Variants in CPNE1 observed in about 807,000 individuals in gnomAD.
CPNE1 encodes the protein copine-1.
Under a neutral mutation model 63.2 loss-of-function variants are expected in CPNE1, and 58 were observed. The ratio of observed to expected loss-of-function variants is 0.92; its 90% confidence interval spans 0.74 to 1.14. The LOEUF (loss-of-function observed/expected upper bound fraction) is 1.14, where lower values mean the gene tolerates loss of function less well. Among genes scored for constraint, CPNE1 ranks in the 50% most tolerant of loss-of-function variants. The pLI is 0.00. For synonymous variants in CPNE1, 237 were observed against 249.0 expected (o/e 0.95, Z 0.45); for missense variants, 672 against 661.7 (o/e 1.02, Z -0.17).
intron 9 of CPNE1, 30 bp downstream of exon 9, chr20:35,631,238 G>A (rs750176921): frequency 1.4e-5 from 22 of 1,613,870 alleles, no homozygotes; most frequent in Non-Finnish European, 1.9e-5. Context: ...TCAGGAATCA[G>A]AGCCTTGGTT....
chr20:35,657,412 A>C (rs896534209), intron 1 of CPNE1, among the ~76,000 whole-genome samples: 1 of 152,242 alleles, frequency 6.6e-6, no homozygotes, highest in Admixed American at 6.5e-5. Flanking sequence ...AAAAACGGTT[A>C]ATCACTTTGT....
chr20:35,630,934 C>T lies in CPNE1; in HGVS notation c.962G>A (p.Trp321Ter). Reference protein sequence around the residue: ...TGVNEYLMALWSVGSVVQDYD... With the variant: ...TGVNEYLMAL Reference sequence around the variant, plus strand: ...GTCCTGAACCACGCTGCCCACACTCCACAGTGCCATCAGGTACTCATTGAC... The same window carrying T: ...GTCCTGAACCACGCTGCCCACACTCTACAGTGCCATCAGGTACTCATTGAC... Residue 321 changes from tryptophan to a stop codon, truncating the protein, a stop_gained, in exon 11 of 16, where the codon TGG becomes TAG. Transcript: ENST00000397443. LOFTEE classifies it high-confidence loss of function. 2 of 1,612,744 alleles carry T rather than the reference C, an allele frequency of 1.2e-6. No individual in the cohort carries two copies.
intron 1 of CPNE1, among the ~76,000 whole-genome samples, chr20:35,644,807 T>C (rs1034316650): frequency 6.6e-6 from 1 of 152,160 alleles, no homozygotes; most frequent in South Asian, 2.1e-4. Flanking sequence ...TTCTCCCTAT[T>C]TGTCTGACTG....
intron 1 of CPNE1, among the ~76,000 whole-genome samples, chr20:35,648,435 CAT>C (rs1205120662): frequency 6.6e-6 from 1 of 152,174 alleles, no homozygotes; most frequent in Non-Finnish European, 1.5e-5. Context: ...GAAAAGGAGA[CAT>C]ATTATCACAC....
chr20:35,650,533 A>C (rs2033427323), intron 1 of CPNE1: 1 of 152,580 alleles, frequency 6.6e-6, no homozygotes, highest in South Asian at 2.1e-4. Flanking sequence ...TGATTACTTA[A>C]CATTAACTTA....
In CPNE1 at chr20:35,632,501, C is replaced by G; in HGVS notation, c.309+16G>C. On this transcript the variant is annotated intron_variant, in intron 3 of 15. Coordinates refer to ENST00000397443, the MANE Select transcript of CPNE1 (RefSeq NM_152925.3). ...AGACCTGCATCTGAAGGATCCTAAT[C>G]CCCAGCCCTACATACCTGTCCTAGG... 1 of 1,612,852 alleles carries G rather than the reference C, an allele frequency of 6.2e-7. No homozygotes were observed. The highest frequency in any genetic ancestry group is 1.1e-5 in the South Asian group (1 of 91,054).
intron 1 of CPNE1, chr20:35,653,074 G>T: frequency 6.2e-7 from 1 of 1,613,938 alleles, no homozygotes; most frequent in Non-Finnish European, 8.5e-7. Context: ...ACCAGGCCTA[G>T]CATCACCAAA....
chr20:35,659,659 T>G (rs1462980919), intron 1 of CPNE1, among the ~76,000 whole-genome samples: 2 of 152,002 alleles, frequency 1.3e-5, no homozygotes, highest in African/African-American at 2.4e-5. Context: ...CTTGTAAAAT[T>G]TAAATAAATA....
chr20:35,651,597 C>T (rs1030740252), intron 1 of CPNE1: 6 of 152,092 alleles, frequency 3.9e-5, no homozygotes, highest in African/African-American at 7.2e-5. Context: ...TTCACATAAT[C>T]GGGACAGGAG....
chr20:35,630,807 C>T lies in CPNE1; in HGVS notation c.996-12G>A. 2 of 1,612,278 alleles carry T rather than the reference C, an allele frequency of 1.2e-6. No homozygotes were observed. The highest frequency in any genetic ancestry group is 1.7e-6 in the Non-Finnish European group (2 of 1,179,232). On this transcript the variant is annotated splice_polypyrimidine_tract_variant and intron_variant, in intron 11 of 15. Coordinates refer to ENST00000397443, the MANE Select transcript of CPNE1 (RefSeq NM_152925.3). ...GGAACAGCTTGTCTCTGTGGGAGGA[C>T]AGTGTATTGGGCAAAAGGCAGTGAG...
At chr20:35,643,179 T>C (rs1049983598) in intron 1 of CPNE1, 3 of 160,776 alleles carry the variant, frequency 1.9e-5, no homozygotes, top group Admixed American at 6.5e-5. Flanking sequence ...TGTCACCCCA[T>C]TGATCACCAG....
chr20:35,661,270 A>T (rs2034217227), intron 1 of CPNE1, among the ~76,000 whole-genome samples: 1 of 152,212 alleles, frequency 6.6e-6, no homozygotes, highest in South Asian at 2.1e-4. Context: ...AAACCACAAG[A>T]ATTTAACATA....
intron 1 of CPNE1, chr20:35,650,407 T>C (rs1190218052): frequency 6.6e-6 from 1 of 152,626 alleles, no homozygotes; most frequent in Admixed American, 6.5e-5. Context: ...ACTTTCATCT[T>C]CAAACAACCC....
Position 35,626,628 on chromosome 20 carries a change from C to A in CPNE1, c.1412G>T (p.Arg471Leu). 1 of 1,614,188 alleles carries A rather than the reference C, an allele frequency of 6.2e-7. No homozygotes were observed. The highest frequency in any genetic ancestry group is 1.1e-5 in the South Asian group (1 of 91,084). ...GTCGCGGGCAGCAGCCTGCCCAGAACGTGTATGCAGGGGTCCACCATCAGC... is the reference window on the plus strand; with the variant it reads ...GTCGCGGGCAGCAGCCTGCCCAGAAAGTGTATGCAGGGGTCCACCATCAGC... Reference protein sequence around the residue: ...LDADGGPLHTRSGQAAARDIV... With the variant: ...LDADGGPLHTLSGQAAARDIV... The change falls in exon 15 of 16, where the codon CGT becomes CTT. Residue 471 changes from arginine to leucine, a missense_variant. By Grantham distance (102) the Arg-to-Leu change is moderately radical. Coordinates refer to ENST00000397443, the MANE Select transcript of CPNE1 (RefSeq NM_152925.3).
intron 1 of CPNE1, among the ~76,000 whole-genome samples, chr20:35,660,627 TA>T (rs1176547356): frequency 6.6e-6 from 1 of 152,184 alleles, no homozygotes; most frequent in Non-Finnish European, 1.5e-5. Context: ...CTGCTTCAAG[TA>T]AAGCAATGAG....
At chr20:35,641,745 T>G (rs1371147043) in intron 1 of CPNE1, among the ~76,000 whole-genome samples, 1 of 152,222 alleles carries the variant, frequency 6.6e-6, no homozygotes, top group Non-Finnish European at 1.5e-5. Flanking sequence ...GCCACACGAC[T>G]GTATTCTGTC....
At chr20:35,655,027 G>A in intron 1 of CPNE1, 2 of 1,614,100 alleles carry the variant, frequency 1.2e-6, no homozygotes, top group Non-Finnish European at 1.7e-6. Flanking sequence ...GGCATTTGCT[G>A]GTGGTATATC....
intron 1 of CPNE1, chr20:35,659,110 C>G: frequency 2.1e-6 from 1 of 487,220 alleles, no homozygotes; most frequent in Non-Finnish European, 3.8e-6. Context: ...AGTCTGAAAC[C>G]ACCAGAGTAC....
chr20:35,632,924 C>CT lies in CPNE1; in HGVS notation c.1-2dup. ...GAACCAAGGTCACGCAGTGGGCCAT[C>CT]TGAGGGAAAAGGAGCTGGGTCAAGC... On this transcript the variant is annotated splice_acceptor_variant, in intron 1 of 15. Coordinates refer to ENST00000397443, the MANE Select transcript of CPNE1 (RefSeq NM_152925.3). LOFTEE classifies it low-confidence loss of function (5UTR_SPLICE). 1.1e-6 allele frequency: 1 copy of CT among 871,044 alleles called. No individual in the cohort carries two copies. Among genetic ancestry groups the CT allele is most frequent in the East Asian group, 2.4e-5 (1 of 41,714 alleles). The allele number at this position is 871,044 out of a possible 1,614,324, so 54.0% of individuals were successfully genotyped here.
Sources: allele counts gnomAD v4.1 joint callset (sites outside exome capture counted in the v4.1 genomes callset), GRCh38; gene constraint gnomAD v4.1.1; transcripts MANE v1.5; gene names NCBI Gene and HGNC (gene_info 2026-07-23, HGNC 2026-07-21).